The following TOMM40 variants were observed in gnomAD, a reference collection of about 807,000 sequenced individuals.
TOMM40 encodes mitochondrial import receptor subunit TOM40 homolog.
TOMM40 carries 9 observed loss-of-function variants against 38.4 expected under a neutral mutation model. The observed-to-expected ratio is 0.23, with a 90% CI of 0.14 to 0.41. The LOEUF is 0.41. Among genes scored for constraint, TOMM40 ranks in the 10% least tolerant of loss-of-function variants. TOMM40 has a pLI of 1.00. For missense variants in TOMM40, 299 were observed against 486.5 expected (o/e 0.61, Z 3.63); for synonymous variants, 184 against 210.0 (o/e 0.88, Z 1.07).
intron 5 of TOMM40, among the ~76,000 whole-genome samples, chr19:44,899,618 ATTT>A (rs139644294): frequency 0.015 from 2,187 of 143,462 alleles, 41 homozygotes; most frequent in African/African-American, 0.046. Context: ...CCTGGCCTTG[ATTT>A]TTTTTTTTTT....
chr19:44,897,555 T>A (rs1969589350), intron 5 of TOMM40, among the ~76,000 whole-genome samples: 4 of 152,122 alleles, frequency 2.6e-5, no homozygotes, highest in Admixed American at 2.6e-4. Context: ...TGGGTTCAAG[T>A]GATTCTCCTG....
intron 5 of TOMM40, among the ~76,000 whole-genome samples, chr19:44,897,862 A>G (rs750548979): frequency 6.6e-6 from 1 of 151,360 alleles, no homozygotes; most frequent in South Asian, 2.1e-4. Context: ...GGCTCAAACA[A>G]CCCTCCTGCC....
chr19:44,895,751 C>T (rs1969553039), intron 5 of TOMM40, among the ~76,000 whole-genome samples: 1 of 151,970 alleles, frequency 6.6e-6, no homozygotes, highest in Non-Finnish European at 1.5e-5. Flanking sequence ...TTCGCCATGT[C>T]GGCCAGGCTG....
At chr19:44,900,307 G>A (rs1348111353) in intron 5 of TOMM40, among the ~76,000 whole-genome samples, 1 of 152,158 alleles carries the variant, frequency 6.6e-6, no homozygotes, top group East Asian at 1.9e-4. Flanking sequence ...CCCAGGCTGT[G>A]CATATTTACC....
intron 5 of TOMM40, 137 bp downstream of exon 5, chr19:44,894,203 C>T (rs1232791115): frequency 1.8e-5 from 10 of 561,802 alleles, no homozygotes; most frequent in Admixed American, 3.8e-5. Flanking sequence ...CATCAGGCAA[C>T]ATACTACAGT....
At chr19:44,892,998 A>C in intron 3 of TOMM40, 69 bp downstream of exon 3, 1 of 1,354,840 alleles carries the variant, frequency 7.4e-7, no homozygotes, top group Non-Finnish European at 1.0e-6. Flanking sequence ...TGTCAAGCTA[A>C]GACGGCCTCA....
chr19:44,891,348 G>T lies in TOMM40; in HGVS notation c.-68G>T, dbSNP rs1296370331. ...CGGGGCCGGAGCCGGGTGCGGATTT[G>T]CTGGGGCTGAGTCGGGGGCGCGCGG... On this transcript the variant is annotated 5_prime_UTR_variant, in exon 1 of 9. Coordinates refer to ENST00000426677, the MANE Select transcript of TOMM40 (RefSeq NM_001128917.2). 2 of 1,222,918 alleles carry T rather than the reference G, an allele frequency of 1.6e-6. No individual in the cohort carries two copies. Among genetic ancestry groups the T allele is most frequent in the Admixed American group, 8.7e-5 (2 of 23,020 alleles). 75.8% of individuals were successfully genotyped at this position (1,222,918 alleles called of 1,614,324 possible).
chr19:44,903,052 C>T lies in TOMM40; in HGVS notation c.969C>T (p.Ile323=). 5.0e-6 allele frequency: 8 copies of T among 1,613,160 alleles called. No homozygotes were observed. Among genetic ancestry groups the T allele is most frequent in the African/African-American group, 2.7e-5 (2 of 75,028 alleles). Residue 323 remains isoleucine (I), a synonymous_variant, in exon 9 of 9, where the codon ATC becomes ATT. Transcript: ENST00000426677. ...CAGGCTCTGTGGATAGCAACTGGATCGTGGGTGCCACGCTGGAGAAGAAGC... is the reference window on the plus strand; with the variant it reads ...CAGGCTCTGTGGATAGCAACTGGATTGTGGGTGCCACGCTGGAGAAGAAGC... ...LFKGSVDSNW[I]VGATLEKKLP... is the part of the protein sequence containing the mutation.
chr19:44,902,645 T>A (rs185505598), intron 8 of TOMM40: 1 of 164,384 alleles, frequency 6.1e-6, no homozygotes, highest in East Asian at 1.7e-4. Context: ...GTCTTAAGTC[T>A]TCTTGGATAT....
chr19:44,891,769 T>A (rs1440989698), intron 1 of TOMM40, 80 bp downstream of exon 1: 5 of 1,311,928 alleles, frequency 3.8e-6, no homozygotes, highest in Non-Finnish European at 4.9e-6. Context: ...ACTCTGGGAT[T>A]TGGCGCGCAC....
chr19:44,895,744 G>T lies in TOMM40; in HGVS notation c.643+1678G>T, dbSNP rs145752462. On this transcript the variant is annotated intron_variant, in intron 5 of 8. Transcript: ENST00000426677. ...GTATTTTTAGTAGAGACAGGTTTTC[G>T]CCATGTCGGCCAGGCTGATCTCGAA... 4.5e-3 allele frequency among the ~76,000 whole-genome samples: 685 copies of T among 151,980 alleles called. 4 individuals are homozygous for T. The highest frequency in any genetic ancestry group is 0.016 in the African/African-American group (648 of 41,428).
chr19:44,897,234 G>A (rs771729989), intron 5 of TOMM40, among the ~76,000 whole-genome samples: 4 of 152,106 alleles, frequency 2.6e-5, no homozygotes, highest in Non-Finnish European at 5.9e-5. Flanking sequence ...AACTGGGGGG[G>A]TGGCCCAGGA....
Position 44,900,866 on chromosome 19 carries a change from C to G in TOMM40, c.766+14C>G. 2.5e-6 allele frequency: 4 copies of G among 1,613,426 alleles called. No individual in the cohort carries two copies. Among genetic ancestry groups the G allele is most frequent in the Middle Eastern group, 1.7e-4 (1 of 6,028 alleles). ...GGAAATACACATGTGAGCCTGGCGC[C>G]TGGGTCCGAGGGTGGAGGGGCTGGG... On this transcript the variant is annotated intron_variant, in intron 6 of 8. Transcript: ENST00000426677.
chr19:44,893,675 G>A (rs1176220213), intron 3 of TOMM40, 105 bp from the exon 4 acceptor site: 2 of 899,158 alleles, frequency 2.2e-6, no homozygotes, highest in Non-Finnish European at 3.3e-6. Flanking sequence ...TGGAGGAGGG[G>A]ACCCCCATCC....
chr19:44,899,076 T>C (rs1210054704), intron 5 of TOMM40, among the ~76,000 whole-genome samples: 1 of 142,664 alleles, frequency 7.0e-6, no homozygotes, highest in Admixed American at 7.1e-5. Flanking sequence ...GAGCTTGCAG[T>C]GAGCCGAGAT....
Position 44,891,409 on chromosome 19 carries a change from G to A in TOMM40, c.-7G>A. ...CTGCCCTCTGACCTCTCCCCTAGCA[G>A]GCGACCATGGGGAACGTGTTGGCTG... is the stretch of plus-strand genomic sequence containing the variant. On this transcript the variant is annotated 5_prime_UTR_variant, in exon 1 of 9. Transcript: ENST00000426677. The A allele has an allele frequency of 7.8e-7, 1 of 1,284,554 alleles. No homozygotes were observed. Among genetic ancestry groups the A allele is most frequent in the Non-Finnish European group, 9.8e-7 (1 of 1,019,732 alleles). The allele number at this position is 1,284,554 out of a possible 1,614,324, so 79.6% of individuals were successfully genotyped here. A position where few individuals can be genotyped will look rare whatever the true frequency, so the allele number is the denominator to read the frequency against.
At position 44,903,688 on chromosome 19, in the gene TOMM40, G is replaced by A. The variant is rs1969729359; in HGVS notation, c.*519G>A. 2 of 152,970 alleles carry A rather than the reference G, an allele frequency of 1.3e-5. No individual in the cohort carries two copies. Among genetic ancestry groups the A allele is most frequent in the Non-Finnish European group, 2.9e-5 (2 of 68,248 alleles). The allele number at this position is 152,970 out of a possible 1,614,324, so 9.5% of individuals were successfully genotyped here. Reference sequence around the variant, plus strand: ...AAAAAATATACGTGGGAAAAAAAACGATGGGAGGCCTCCGTTTTCTCAAGT... The same window carrying A: ...AAAAAATATACGTGGGAAAAAAAACAATGGGAGGCCTCCGTTTTCTCAAGT... On this transcript the variant is annotated 3_prime_UTR_variant, in exon 9 of 9. Coordinates refer to ENST00000426677, the MANE Select transcript of TOMM40 (RefSeq NM_001128917.2).
At chr19:44,900,687 G>A in intron 5 of TOMM40, 43 bp from the exon 6 acceptor site, 1 of 1,611,632 alleles carries the variant, frequency 6.2e-7, no homozygotes, top group Non-Finnish European at 8.5e-7. Context: ...AGTCTAGCCT[G>A]GCACTCAGGG....
intron 5 of TOMM40, among the ~76,000 whole-genome samples, chr19:44,897,282 A>T (rs1469271253): frequency 1.3e-5 from 2 of 152,128 alleles, no homozygotes; most frequent in Admixed American, 1.3e-4. Context: ...TGAGGGTCTC[A>T]TGGCCTCAGT....
Sources: allele counts gnomAD v4.1 joint callset (sites outside exome capture counted in the v4.1 genomes callset), GRCh38; gene constraint gnomAD v4.1.1; transcripts MANE v1.5; gene names NCBI Gene and HGNC (gene_info 2026-07-23, HGNC 2026-07-21).